BICDL2: variants seen among roughly 807,000 people sequenced by gnomAD.
The protein encoded by BICDL2 is BICD family like cargo adaptor 2, also known as BICD family-like cargo adapter 2.
BICDL2 carries 62 observed loss-of-function variants against 56.6 expected under a neutral mutation model. That is an observed-to-expected ratio of 1.10 (90% CI 0.89 to 1.35). The LOEUF is 1.35. Ranked by LOEUF, BICDL2 falls within the 40% of genes most tolerant of loss-of-function variation. The pLI, the probability that BICDL2 is intolerant of heterozygous loss-of-function variation, is 0.00. For synonymous variants in BICDL2, 358 were observed against 319.8 expected (o/e 1.12, Z -1.27); for missense variants, 808 against 684.5 (o/e 1.18, Z -2.01).
rs766905469 is a variant in BICDL2, at chr16:3,031,024, A to C, written c.409T>G (p.Ser137Ala). The change falls in exon 3 of 10, where the codon TCA becomes GCA. Residue 137 changes from serine to alanine, a missense_variant. Coordinates refer to ENST00000572449, the MANE Select transcript of BICDL2 (RefSeq NM_001369667.1). ...ALRAQLGEQR[S>A]EQQDSGRERA... ...TCTCGCCCACTGTCCTGCTGCTCTG[A>C]GCGCTGCTCCCCAAGCTGGGCCCGC... The C allele has an allele frequency of 9.6e-5, 149 of 1,548,352 alleles. No individual in the cohort carries two copies. Among genetic ancestry groups the C allele is most frequent in the Non-Finnish European group, 1.2e-4 (142 of 1,153,012 alleles).
At chr16:3,032,742 C>T (rs952303806) in intron 2 of BICDL2, 12 of 152,016 alleles carry the variant, frequency 7.9e-5, no homozygotes, top group African/African-American at 2.4e-4. Context: ...AGGGAACAAG[C>T]GTGAGTTCTT....
At chr16:3,029,828 G>T (rs1955627370) in intron 5 of BICDL2, 89 bp from the exon 6 acceptor site, 1 of 1,179,808 alleles carries the variant, frequency 8.5e-7, no homozygotes, top group Non-Finnish European at 1.1e-6. Flanking sequence ...CGGGGGTGCC[G>T]CGGAGAGCCC....
chr16:3,030,549 C>G lies in BICDL2; in HGVS notation c.662G>C (p.Arg221Pro), dbSNP rs766741399. ...SRRQDLEAQI[R>P]GLREEVEKGE... ...CTTCTCCACCTCCTCACGCAGGCCT[C>G]GGATCTGGGCCTCCAGGTCCTGCCG... The change falls in exon 5 of 10, where the codon CGA (arginine) becomes CCA (proline). Residue 221 changes from arginine (R) to proline (P), a missense_variant. Transcript: ENST00000572449. 3.1e-6 allele frequency: 5 copies of G among 1,598,402 alleles called. No homozygotes were observed. The highest frequency in any genetic ancestry group is 4.2e-6 in the Non-Finnish European group (5 of 1,176,690).
intron 2 of BICDL2, 64 bp downstream of exon 2, chr16:3,035,151 C>G: frequency 8.1e-7 from 1 of 1,227,758 alleles, no homozygotes; most frequent in Non-Finnish European, 1.1e-6. Context: ...TTCCCTTGTC[C>G]TCTCCAGGCC....
chr16:3,029,634 C>T lies in BICDL2; in HGVS notation c.868G>A (p.Val290Met), dbSNP rs1055182116. ...TCTGACTGCAACGAGGCAGCCGACACGTCGGCGTCCTGGAGGCGTGACTCC... is the reference window on the plus strand; with the variant it reads ...TCTGACTGCAACGAGGCAGCCGACATGTCGGCGTCCTGGAGGCGTGACTCC... ...EEESRLQDAD[V>M]SAASLQSELA... The change falls in exon 6 of 10, where the codon GTG becomes ATG. Residue 290 changes from valine to methionine, a missense_variant. Transcript: ENST00000572449. 10 of 1,536,020 alleles carry T rather than the reference C, an allele frequency of 6.5e-6. No individual in the cohort carries two copies. Among genetic ancestry groups the T allele is most frequent in the Admixed American group, 2.0e-5 (1 of 49,500 alleles).
Position 3,027,829 on chromosome 16 carries a change from A to G in BICDL2, c.*277T>C. ...TTACTCTGTCCGATCTTGATACATA[A>G]ATACCCAGCCCCATCCCTGCCCTAG... On this transcript the variant is annotated 3_prime_UTR_variant, in exon 10 of 10. Coordinates refer to ENST00000572449, the MANE Select transcript of BICDL2 (RefSeq NM_001369667.1). 1 of 850,466 alleles carries G rather than the reference A, an allele frequency of 1.2e-6. No individual in the cohort carries two copies. The highest frequency in any genetic ancestry group is 1.7e-6 in the Non-Finnish European group (1 of 574,470). 52.7% of individuals were successfully genotyped at this position (850,466 alleles called of 1,614,324 possible). A position where few individuals can be genotyped will look rare whatever the true frequency, so the allele number is the denominator to read the frequency against.
intron 7 of BICDL2, 100 bp downstream of exon 7, chr16:3,029,180 G>A: frequency 6.9e-7 from 1 of 1,447,886 alleles, no homozygotes; most frequent in South Asian, 1.2e-5. Flanking sequence ...GCCGATCCAG[G>A]TATAGGGAGC....
intron 2 of BICDL2, chr16:3,031,555 C>T (rs1955655592): frequency 4.8e-6 from 2 of 417,884 alleles, no homozygotes. Flanking sequence ...GCCCAGCCCC[C>T]TCCCCAGCTC....
intron 7 of BICDL2, 92 bp from the exon 8 acceptor site, chr16:3,028,922 C>T (rs1439312561): frequency 6.9e-6 from 10 of 1,446,782 alleles, no homozygotes; most frequent in African/African-American, 1.4e-5. Flanking sequence ...CCCCACCCCT[C>T]CTCTGCCTGC....
At position 3,030,773 on chromosome 16, in the gene BICDL2, C is replaced by CG; in HGVS notation, c.537dup (p.Ala180ArgfsTer46). On this transcript the variant is annotated frameshift_variant, in exon 4 of 10. Coordinates refer to ENST00000572449, the MANE Select transcript of BICDL2 (RefSeq NM_001369667.1). LOFTEE classifies it high-confidence loss of function. The stretch of plus-strand genomic sequence containing the variant: ...TGAGCCTGGCACTGTCCCCGAAGGG[C>CG]GTCCAGTTCCCTCTGAAGTTCCTGC... 6.2e-7 allele frequency: 1 copy of CG among 1,612,310 alleles called. No individual in the cohort carries two copies. Among genetic ancestry groups the CG allele is most frequent in the Non-Finnish European group, 8.5e-7 (1 of 1,179,668 alleles).
intron 2 of BICDL2, chr16:3,031,465 C>A: frequency 1.9e-6 from 1 of 538,936 alleles, no homozygotes; most frequent in South Asian, 2.8e-5. Context: ...TTTTTGGCGC[C>A]TGAGTCTGGC....
At position 3,029,672 on chromosome 16, in the gene BICDL2, G is replaced by C. The variant is rs1469520149; in HGVS notation, c.830C>G (p.Ser277Cys). The change falls in exon 6 of 10, where the codon TCC becomes TGC. Residue 277 changes from serine to cysteine, a missense_variant. Ser to Cys is a moderately radical substitution (Grantham distance 112, BLOSUM62 -1). Transcript: ENST00000572449. The part of the protein sequence containing the change: ...SALRRLQRRV[S>C]ELEEESRLQD... ...GAGGCGTGACTCCTCCTCCAGCTCG[G>C]AGACGCGCCGCTGCAGCCTCCGCAG... The C allele has an allele frequency of 3.2e-6, 5 of 1,539,276 alleles. No individual in the cohort carries two copies. In the South Asian group the frequency reaches 4.7e-5, roughly 15 times the overall value.
intron 8 of BICDL2, 106 bp downstream of exon 8, chr16:3,028,594 C>G (rs1049409769): frequency 2.6e-6 from 4 of 1,510,362 alleles, no homozygotes; most frequent in Non-Finnish European, 3.5e-6. Context: ...GGTCAGGGGG[C>G]CCCTGGGTGG....
In BICDL2 at chr16:3,029,557, G is replaced by A. The variant is rs1030335565; in HGVS notation, c.945C>T (p.Pro315=). The A allele has an allele frequency of 3.9e-6, 6 of 1,548,904 alleles. No homozygotes were observed. The highest frequency in any genetic ancestry group is 3.3e-4 in the Middle Eastern group (2 of 6,022). The part of the protein sequence containing the change: ...DGDQGQGADA[P]GDTPTTRSPK... ...CCCACGAGCTCACCGGGGTGTCTCCGGGTGCGTCGGCGCCCTGGCCCTGGT... is the reference window on the plus strand; with the variant it reads ...CCCACGAGCTCACCGGGGTGTCTCCAGGTGCGTCGGCGCCCTGGCCCTGGT... Residue 315 remains proline (P), a synonymous_variant, in exon 6 of 10, where the codon CCC becomes CCT. Coordinates refer to ENST00000572449, the MANE Select transcript of BICDL2 (RefSeq NM_001369667.1).
rs1955625479 is a variant in BICDL2 at position 3,029,724 on chromosome 16, A to C, written c.778T>G (p.Ser260Ala). Reference sequence around the variant, plus strand: ...GCACTCAGCGCCTCCCCAGCCTCTGACCGTGCGCGTTCCAGCTGTGGACGG... The same window carrying C: ...GCACTCAGCGCCTCCCCAGCCTCTGCCCGTGCGCGTTCCAGCTGTGGACGG... ...EHSLELERAR[S>A]EAGEALSALR... is the part of the protein sequence containing the mutation. Residue 260 changes from serine (S) to alanine (A), a missense_variant, in exon 6 of 10, where the codon TCA (serine) becomes GCA (alanine). Physicochemically the swap from Ser to Ala is moderately conservative, Grantham distance 99. Transcript: ENST00000572449. The C allele has an allele frequency of 2.6e-6, 4 of 1,533,130 alleles. No homozygotes were observed. Among genetic ancestry groups the C allele is most frequent in the African/African-American group, 1.4e-5 (1 of 72,474 alleles). The allele number at this position is 1,533,130 out of a possible 1,614,324, so 95.0% of individuals were successfully genotyped here. A position where few individuals can be genotyped will look rare whatever the true frequency, so the allele number is the denominator to read the frequency against.
rs756486151 is a variant in BICDL2, at chr16:3,028,252, C to G, written c.1381G>C (p.Gly461Arg). Reference sequence around the variant, plus strand: ...TGGCGCTGTGAGCGCAGCTGCTGCCCGATCACCACCTGCATGTCGTCCTGC... The same window carrying G: ...TGGCGCTGTGAGCGCAGCTGCTGCCGGATCACCACCTGCATGTCGTCCTGC... ...AWQDDMQVVI[G>R]QQLRSQRQKE... is the part of the protein sequence containing the mutation. Residue 461 changes from glycine to arginine, a missense_variant, in exon 10 of 10, where the codon GGG (glycine) becomes CGG (arginine). Transcript: ENST00000572449. 266 of 1,476,914 alleles carry G rather than the reference C, an allele frequency of 1.8e-4. No homozygotes were observed. Among genetic ancestry groups the G allele is most frequent in the Non-Finnish European group, 2.1e-4 (240 of 1,126,682 alleles). 91.5% of individuals were successfully genotyped at this position (1,476,914 alleles called of 1,614,324 possible).
intron 2 of BICDL2, chr16:3,032,479 GC>G (rs1274957514): frequency 1.3e-5 from 2 of 152,230 alleles, no homozygotes; most frequent in Non-Finnish European, 2.9e-5. Context: ...GCTGTCAGTG[GC>G]ACGTGAGACC....
At chr16:3,028,301 C>T in intron 9 of BICDL2, 28 bp from the exon 10 acceptor site, 1 of 1,525,646 alleles carries the variant, frequency 6.6e-7, no homozygotes, top group Non-Finnish European at 8.7e-7. Context: ...CGGCTCAGCG[C>T]CGGTCCCGCC....
chr16:3,029,278 A>C lies in BICDL2; in HGVS notation c.1107+2T>G. ...CATCCAGCACCGTGCCCTCTGCCCC[A>C]CCTCATCTTGCAGCTTGGCCACTTC... is the stretch of plus-strand genomic sequence containing the variant. On this transcript the variant is annotated splice_donor_variant, in intron 7 of 9. Transcript: ENST00000572449. LOFTEE classifies it high-confidence loss of function. 1 of 1,609,826 alleles carries C rather than the reference A, an allele frequency of 6.2e-7. No individual in the cohort carries two copies. The highest frequency in any genetic ancestry group is 8.5e-7 in the Non-Finnish European group (1 of 1,178,852).
Sources: gnomAD v4.1 joint callset for allele counts on GRCh38, gnomAD v4.1.1 for gene constraint, MANE v1.5 for transcripts, NCBI Gene and HGNC (gene_info 2026-07-23, HGNC 2026-07-21) for gene names.